Variants in L3MBTL2 observed in about 807,000 individuals in gnomAD.
The protein encoded by L3MBTL2 is lethal(3)malignant brain tumor-like protein 2.
L3MBTL2 carries 49 observed loss-of-function variants against 86.4 expected under a neutral mutation model. That is an observed-to-expected ratio of 0.57 (90% CI 0.45 to 0.72). The LOEUF (loss-of-function observed/expected upper bound fraction) is 0.72. Ranked by LOEUF, L3MBTL2 falls within the 30% of genes least tolerant of loss-of-function variation. L3MBTL2 has a pLI of 0.00. For missense variants in L3MBTL2, 755 were observed against 923.7 expected (o/e 0.82, Z 2.37); for synonymous variants, 336 against 350.6 (o/e 0.96, Z 0.47).
chr22:41,221,702 G>A (rs939247274), intron 8 of L3MBTL2, among the ~76,000 whole-genome samples: 6 of 152,050 alleles, frequency 3.9e-5, no homozygotes, highest in Non-Finnish European at 7.4e-5. Context: ...TGACTCCTGG[G>A]TTCACGCCAT....
chr22:41,210,810 A>G (rs2030708098), intron 2 of L3MBTL2, among the ~76,000 whole-genome samples: 1 of 152,246 alleles, frequency 6.6e-6, no homozygotes, highest in Non-Finnish European at 1.5e-5. Context: ...TCATATAACT[A>G]ATGTGTATTC....
intron 2 of L3MBTL2, among the ~76,000 whole-genome samples, chr22:41,211,779 G>C (rs970823991): frequency 4.5e-5 from 6 of 134,614 alleles, no homozygotes; most frequent in Non-Finnish European, 7.8e-5. Flanking sequence ...GGATGGTCTC[G>C]ATCTCCTGAC....
At chr22:41,206,284 C>T (rs1465879355) in intron 1 of L3MBTL2, among the ~76,000 whole-genome samples, 2 of 151,864 alleles carry the variant, frequency 1.3e-5, no homozygotes, top group Non-Finnish European at 2.9e-5. Context: ...CACTGCACCC[C>T]GCCTCATCCT....
chr22:41,227,128 G>A lies in L3MBTL2; in HGVS notation c.1627G>A (p.Glu543Lys). The A allele has an allele frequency of 1.2e-6, 2 of 1,613,666 alleles. No homozygotes were observed. The highest frequency in any genetic ancestry group is 1.7e-6 in the Non-Finnish European group (2 of 1,179,996). Residue 543 changes from glutamate (E) to lysine (K), a missense_variant, in exon 14 of 17, where the codon GAG becomes AAG. Transcript: ENST00000216237. The surrounding 1 kb of genome is among the most constrained non-coding windows in gnomAD (Gnocchi z 6.0). ...NHGFKVGMKL[E>K]AVDLMEPRLI... is the part of the protein sequence containing the mutation. ...TGGCTTCAAGGTGGGCATGAAGCTG[G>A]AGGCCGTGGACCTGATGGAGCCCCG... is the stretch of plus-strand genomic sequence containing the variant.
At position 41,209,753 on chromosome 22, in the gene L3MBTL2, G is replaced by A. The variant is rs1478286713; in HGVS notation, c.82G>A (p.Gly28Ser). 6.2e-7 allele frequency: 1 copy of A among 1,614,066 alleles called. No homozygotes were observed. Among genetic ancestry groups the A allele is most frequent in the Non-Finnish European group, 8.5e-7 (1 of 1,180,046 alleles). ...GGAAGATGACGACTTGGAGCTGTTT[G>A]GTGGCTATGATAGTTTCCGGAGTTA... is the stretch of plus-strand genomic sequence containing the variant. Reference protein sequence around the residue: ...EEEDDDLELFGGYDSFRSYNS... With the variant: ...EEEDDDLELFSGYDSFRSYNS... Residue 28 changes from glycine to serine, a missense_variant, in exon 2 of 17, where the codon GGT becomes AGT. Coordinates refer to ENST00000216237, the MANE Select transcript of L3MBTL2 (RefSeq NM_031488.5).
intron 6 of L3MBTL2, among the ~76,000 whole-genome samples, 183 bp downstream of exon 6, chr22:41,219,719 A>T (rs2031673161): frequency 6.6e-6 from 1 of 150,850 alleles, no homozygotes; most frequent in South Asian, 2.1e-4. Context: ...AGGCTTGGAA[A>T]CCCCAAATTT....
intron 8 of L3MBTL2, 155 bp downstream of exon 8, chr22:41,221,442 A>G: frequency 1.5e-6 from 1 of 674,578 alleles, no homozygotes; most frequent in Non-Finnish European, 2.6e-6. Context: ...TGCTGCTGCT[A>G]CGTGGTTGCC....
In L3MBTL2 at chr22:41,209,732, G is replaced by A; in HGVS notation, c.61G>A (p.Asp21Asn). 1 of 1,614,240 alleles carries A rather than the reference G, an allele frequency of 6.2e-7. No individual in the cohort carries two copies. The highest frequency in any genetic ancestry group is 8.5e-7 in the Non-Finnish European group (1 of 1,180,048). ...TTCAGAACCAATGGAGGAAGAGGAAGATGACGACTTGGAGCTGTTTGGTGG... is the reference window on the plus strand; with the variant it reads ...TTCAGAACCAATGGAGGAAGAGGAAAATGACGACTTGGAGCTGTTTGGTGG... ...PSSEPMEEEE[D>N]DDLELFGGYD... Residue 21 changes from aspartate to asparagine, a missense_variant, in exon 2 of 17, where the codon GAT (aspartate) becomes AAT (asparagine). Asp to Asn is a conservative substitution (Grantham distance 23, BLOSUM62 1). Coordinates refer to ENST00000216237, the MANE Select transcript of L3MBTL2 (RefSeq NM_031488.5).
Position 41,209,259 on chromosome 22 carries a change from G to T in L3MBTL2, c.25-437G>T, listed in dbSNP as rs1054137185. 1.2e-5 allele frequency: 2 copies of T among 166,212 alleles called. 1 individual carries two copies. The highest frequency in any genetic ancestry group is 3.1e-4 in the South Asian group (2 of 6,538). The allele number at this position is 166,212 out of a possible 1,614,324, so 10.3% of individuals were successfully genotyped here. ...CTGGACTACAGGTGCCCGCCACCAC[G>T]CCTGGCTAATTTTTTCTTGTATTTT... On this transcript the variant is annotated intron_variant, in intron 1 of 16. Coordinates refer to ENST00000216237, the MANE Select transcript of L3MBTL2 (RefSeq NM_031488.5).
rs749529632 is a variant in L3MBTL2, at chr22:41,225,971, C to G, written c.1504+30C>G. 6.2e-7 allele frequency: 1 copy of G among 1,609,938 alleles called. No homozygotes were observed. Among genetic ancestry groups the G allele is most frequent in the Non-Finnish European group, 8.5e-7 (1 of 1,178,490 alleles). ...GACTAGAGAGGCCACCACCTGCTGT[C>G]CTTGCCATCAGAAGGGGCAGGGTGT... On this transcript the variant is annotated intron_variant, in intron 12 of 16. Transcript: ENST00000216237. This position sits in a 1 kb window ranked among gnomAD's most constrained non-coding sequence, Gnocchi z 4.1.
At chr22:41,205,620 G>T (rs1190698345) in intron 1 of L3MBTL2, among the ~76,000 whole-genome samples, 1 of 152,122 alleles carries the variant, frequency 6.6e-6, no homozygotes, top group African/African-American at 2.4e-5. Flanking sequence ...CCCTGGCCTG[G>T]GGGAAAGGGA....
At chr22:41,223,086 G>A (rs1470417396) in intron 8 of L3MBTL2, among the ~76,000 whole-genome samples, 3 of 152,178 alleles carry the variant, frequency 2.0e-5, no homozygotes, top group Non-Finnish European at 4.4e-5. Flanking sequence ...CTGGGATACC[G>A]GATGTGGGAC....
Position 41,213,743 on chromosome 22 carries a change from T to C in L3MBTL2, c.263-150T>C, listed in dbSNP as rs2031111759. On this transcript the variant is annotated intron_variant, in intron 2 of 16. Transcript: ENST00000216237. ...GGTAGATTCAGGATATACACACCAG[T>C]ACCTCCCATTCCTCCTCTTATTCCA... The C allele has an allele frequency of 6.1e-6, 5 of 816,140 alleles. No homozygotes were observed. In the East Asian group the frequency reaches 9.9e-5, roughly 16 times the overall value. 50.6% of individuals were successfully genotyped at this position (816,140 alleles called of 1,614,324 possible). A position where few individuals can be genotyped will look rare whatever the true frequency, so the allele number is the denominator to read the frequency against.
In L3MBTL2 at chr22:41,225,743, T is replaced by C. The variant is rs776853148; in HGVS notation, c.1357-51T>C. The C allele has an allele frequency of 6.4e-7, 1 of 1,571,308 alleles. No individual in the cohort carries two copies. Among genetic ancestry groups the C allele is most frequent in the Non-Finnish European group, 8.7e-7 (1 of 1,150,276 alleles). The stretch of plus-strand genomic sequence containing the variant: ...ATTGGGGTGCGGTACCAACCCAGGA[T>C]GGGGTGCAGTTCATGATATGATCTG... On this transcript the variant is annotated intron_variant, in intron 11 of 16. Coordinates refer to ENST00000216237, the MANE Select transcript of L3MBTL2 (RefSeq NM_031488.5). The surrounding 1 kb of genome is among the most constrained non-coding windows in gnomAD (Gnocchi z 4.1).
intron 12 of L3MBTL2, among the ~76,000 whole-genome samples, chr22:41,226,227 A>T (rs1333538811): frequency 6.6e-6 from 1 of 152,138 alleles, no homozygotes; most frequent in Non-Finnish European, 1.5e-5. Flanking sequence ...CAGTGAGCCG[A>T]GATCATGCCA....
intron 12 of L3MBTL2, 53 bp from the exon 13 acceptor site, chr22:41,226,609 C>T (rs2032199742): frequency 1.6e-6 from 2 of 1,288,096 alleles, no homozygotes; most frequent in South Asian, 1.2e-5. Context: ...TTTCCTCCTG[C>T]CCACTTCCTG....
intron 3 of L3MBTL2, among the ~76,000 whole-genome samples, 164 bp from the exon 4 acceptor site, chr22:41,215,973 CCT>C (rs1020317201): frequency 7.2e-5 from 11 of 152,192 alleles, no homozygotes; most frequent in African/African-American, 2.2e-4. Context: ...ACAACCACCC[CCT>C]GAGCTCAGGA....
rs2145606255 is a variant in L3MBTL2 at position 41,224,137 on chromosome 22, C to T, written c.1060C>T (p.Arg354Trp). The change falls in exon 9 of 17, where the codon CGG becomes TGG. Residue 354 changes from arginine to tryptophan, a missense_variant. Arg to Trp is a moderately radical substitution (Grantham distance 101). Coordinates refer to ENST00000216237, the MANE Select transcript of L3MBTL2 (RefSeq NM_031488.5). The surrounding 1 kb of genome is among the most constrained non-coding windows in gnomAD (Gnocchi z 4.9). ...GGACACAGTAATCGGGGGTCGCCTACGGCTCCTCTACGAGGATGGTGACAG... is the reference window on the plus strand; with the variant it reads ...GGACACAGTAATCGGGGGTCGCCTATGGCTCCTCTACGAGGATGGTGACAG... ...VVDTVIGGRL[R>W]LLYEDGDSDD... The T allele has an allele frequency of 3.1e-6, 5 of 1,613,954 alleles. No homozygotes were observed. Among genetic ancestry groups the T allele is most frequent in the Non-Finnish European group, 4.2e-6 (5 of 1,179,966 alleles).
chr22:41,224,512 C>T lies in L3MBTL2; in HGVS notation c.1175-213C>T, dbSNP rs769099705. On this transcript the variant is annotated intron_variant, in intron 9 of 16. Coordinates refer to ENST00000216237, the MANE Select transcript of L3MBTL2 (RefSeq NM_031488.5). The surrounding 1 kb of genome is among the most constrained non-coding windows in gnomAD (Gnocchi z 4.9). ...GTCAATGCGGGAGCAGTCTGGGTTT[C>T]GAGGGCTGAAGAGTCCCTACAGAGA... Among the ~76,000 whole-genome samples the T allele has an allele frequency of 2.6e-5, 4 of 152,286 alleles. No homozygotes were observed. The highest frequency in any genetic ancestry group is 6.8e-3 in the Middle Eastern group (2 of 294).
Sources: gnomAD v4.1 joint callset for allele counts (sites outside exome capture counted in the v4.1 genomes callset) on GRCh38, gnomAD v4.1.1 for gene constraint, Gnocchi (gnomAD v3.1) non-coding constraint, MANE v1.5 for transcripts, NCBI Gene and HGNC (gene_info 2026-07-23, HGNC 2026-07-21) for gene names.